Variants in RBFOX1 observed in about 807,000 individuals in gnomAD.
RBFOX1 encodes RNA binding protein fox-1 homolog 1.
Under a neutral mutation model 57.7 loss-of-function variants are expected in RBFOX1, and 8 were observed. That is an observed-to-expected ratio of 0.14 (90% CI 0.08 to 0.25). RBFOX1 has a LOEUF of 0.25. RBFOX1 is among the 10% of genes least tolerant of loss of function. The probability of loss-of-function intolerance (pLI) is 1.00; values close to 1 mark genes in which losing one functional copy is unlikely to be tolerated. For synonymous variants in RBFOX1, 326 were observed against 222.4 expected (o/e 1.47, Z -4.15); for missense variants, 611 against 548.5 (o/e 1.11, Z -1.14).
At chr16:6,161,272 C>G (rs1370179835) in intron 1 of RBFOX1, among the ~76,000 whole-genome samples, 1 of 151,848 alleles carries the variant, frequency 6.6e-6, no homozygotes, top group Non-Finnish European at 1.5e-5. Context: ...GCCTGTAATC[C>G]CAGCTACTCA....
chr16:7,255,220 C>T (rs1466925859), intron 4 of RBFOX1, among the ~76,000 whole-genome samples: 1 of 152,128 alleles, frequency 6.6e-6, no homozygotes, highest in Non-Finnish European at 1.5e-5. Context: ...TAGTGATAAA[C>T]AGCTGGTTAA....
In RBFOX1 at chr16:7,166,429, C is replaced by T. The variant is rs746872383; in HGVS notation, c.27+114331C>T. 2.6e-5 allele frequency among the ~76,000 whole-genome samples: 4 copies of T among 151,910 alleles called. No individual in the cohort carries two copies. The South Asian group carries it at 8.3e-4, about 32-fold the overall frequency. On this transcript the variant is annotated intron_variant, in intron 4 of 15. Transcript: ENST00000550418. ...AAAGATAGAAAACTATAGAGGAGTC[C>T]ATGAATAAATGTGATTCAGAGGGGA...
At position 6,371,102 on chromosome 16, in the gene RBFOX1, A is replaced by G. The variant is rs570671870; in HGVS notation, c.-64+54045A>G. On this transcript the variant is annotated intron_variant, in intron 2 of 15. Coordinates refer to ENST00000550418, the MANE Select transcript of RBFOX1 (RefSeq NM_018723.4). ...AGTTTGTCTATTATTGGTGATATTA[A>G]CATCAGTCCTTTGGATCATATGATG... Among the ~76,000 whole-genome samples, 8 of 152,328 alleles carry G rather than the reference A, an allele frequency of 5.3e-5. No homozygotes were observed. The East Asian group carries it at 1.4e-3, about 26-fold the overall frequency.
chr16:6,586,557 T>A (rs911794641), intron 2 of RBFOX1, among the ~76,000 whole-genome samples: 1 of 152,172 alleles, frequency 6.6e-6, no homozygotes, highest in African/African-American at 2.4e-5. Context: ...TATAGCTGGT[T>A]TGGGGCAAAG....
intron 3 of RBFOX1, among the ~76,000 whole-genome samples, chr16:6,792,533 G>A (rs2083170026): frequency 6.6e-6 from 1 of 152,084 alleles, no homozygotes; most frequent in South Asian, 2.1e-4. Context: ...TTCATATAAA[G>A]GTTAAAAATT....
chr16:6,941,407 C>A (rs1237910150), intron 3 of RBFOX1, among the ~76,000 whole-genome samples: 1 of 149,096 alleles, frequency 6.7e-6, no homozygotes. Context: ...TCAGTTTTCT[C>A]ATTTGGAATA....
chr16:6,876,595 GA>G (rs2061889927), intron 3 of RBFOX1, among the ~76,000 whole-genome samples: 3 of 152,130 alleles, frequency 2.0e-5, no homozygotes, highest in Admixed American at 1.3e-4. Context: ...TGGACTTTAT[GA>G]TGCACCATAC....
intron 4 of RBFOX1, among the ~76,000 whole-genome samples, chr16:7,316,210 C>A (rs985160039): frequency 8.5e-5 from 13 of 152,302 alleles, no homozygotes; most frequent in African/African-American, 2.6e-4. Context: ...ATAATGATGT[C>A]TTTAATTCAA....
intron 2 of RBFOX1, among the ~76,000 whole-genome samples, chr16:6,489,202 C>T (rs1038637791): frequency 6.6e-5 from 10 of 152,100 alleles, no homozygotes; most frequent in Admixed American, 3.3e-4. Context: ...AGAAATGTAA[C>T]GTCACTAAAT....
At chr16:6,792,056 G>A (rs569153529) in intron 3 of RBFOX1, among the ~76,000 whole-genome samples, 10 of 152,112 alleles carry the variant, frequency 6.6e-5, no homozygotes, top group Non-Finnish European at 1.2e-4. Flanking sequence ...TGCGTTTCAC[G>A]AACTATCACA....
intron 4 of RBFOX1, among the ~76,000 whole-genome samples, chr16:7,407,638 C>G (rs573385245): frequency 2.2e-4 from 33 of 152,228 alleles, no homozygotes; most frequent in African/African-American, 7.9e-4. Context: ...CTTATTATAG[C>G]AACCAAAATA....
intron 2 of RBFOX1, among the ~76,000 whole-genome samples, chr16:6,399,487 A>G (rs9939295): frequency 0.74 from 112,633 of 152,066 alleles, 42,526 homozygotes; most frequent in African/African-American, 0.89. Context: ...CCAGTTCCCA[A>G]GAAGTTCCTC....
intron 4 of RBFOX1, among the ~76,000 whole-genome samples, chr16:7,403,936 AATTC>A (rs2098288662): frequency 1.3e-5 from 2 of 150,290 alleles, no homozygotes; most frequent in Admixed American, 6.6e-5. Flanking sequence ...TAACCTTTTT[AATTC>A]ATTCATTTGT....
chr16:5,512,570 C>T (rs949177258), intron 2 of RBFOX1, among the ~76,000 whole-genome samples: 2 of 152,122 alleles, frequency 1.3e-5, no homozygotes, highest in Non-Finnish European at 2.9e-5. Context: ...TGACCTAGGG[C>T]AATTTACTTA....
At chr16:6,153,758 A>G (rs2096818448) in intron 1 of RBFOX1, among the ~76,000 whole-genome samples, 1 of 151,570 alleles carries the variant, frequency 6.6e-6, no homozygotes, top group Non-Finnish European at 1.5e-5. Flanking sequence ...CTGGTCTCAA[A>G]CTCCTGACCT....
At chr16:5,611,604 A>T (rs2151247507) in intron 3 of RBFOX1, among the ~76,000 whole-genome samples, 1 of 152,144 alleles carries the variant, frequency 6.6e-6, no homozygotes, top group South Asian at 2.1e-4. Context: ...TATCAACAAA[A>T]ACTAGTGATT....
downstream of RBFOX1, among the ~76,000 whole-genome samples, chr16:5,604,631 G>T (rs980828487): frequency 6.6e-6 from 1 of 152,124 alleles, no homozygotes; most frequent in Non-Finnish European, 1.5e-5. Context: ...GAAGTAACTC[G>T]TGGGTCCTGC....
At chr16:6,982,333 T>C (rs2089146300) in intron 3 of RBFOX1, among the ~76,000 whole-genome samples, 1 of 152,192 alleles carries the variant, frequency 6.6e-6, no homozygotes, top group African/African-American at 2.4e-5. Context: ...ATTCCCATTG[T>C]TGGCCAGCAT....
At chr16:6,104,297 A>T (rs2096351741) in intron 1 of RBFOX1, among the ~76,000 whole-genome samples, 1 of 152,220 alleles carries the variant, frequency 6.6e-6, no homozygotes. Context: ...AATATCCTTC[A>T]TCAGTACTCT....
Sources: allele counts gnomAD v4.1 joint callset (sites outside exome capture counted in the v4.1 genomes callset), GRCh38; gene constraint gnomAD v4.1.1; transcripts MANE v1.5; gene names NCBI Gene and HGNC (gene_info 2026-07-23, HGNC 2026-07-21).